AIRE: variants seen among roughly 807,000 people sequenced by gnomAD.
The protein encoded by AIRE is autoimmune polyendocrinopathy candidiasis ectodermal dystrophy protein.
A neutral mutation model predicts 62.1 loss-of-function variants in AIRE; 52 were observed. That is an observed-to-expected ratio of 0.84 (90% CI 0.67 to 1.06). The LOEUF (loss-of-function observed/expected upper bound fraction) is 1.06. Ranked by LOEUF, AIRE falls within the 50% of genes least tolerant of loss-of-function variation. The pLI is 0.00. For missense variants in AIRE, 774 were observed against 755.8 expected (o/e 1.02, Z -0.28); for synonymous variants, 342 against 321.6 (o/e 1.06, Z -0.68).
chr21:44,290,001 C>A lies in AIRE; in HGVS notation c.812C>A (p.Ala271Asp). The change falls in exon 7 of 14, where the codon GCT becomes GAT. Residue 271 changes from alanine to aspartate, a missense_variant. By Grantham distance (126) the Ala-to-Asp change is moderately radical (BLOSUM62 -2). Coordinates refer to ENST00000291582, the MANE Select transcript of AIRE (RefSeq NM_000383.4). The part of the protein sequence containing the change: ...AQGAAPGGGE[A>D]RLGQQGSVPA... The stretch of plus-strand genomic sequence containing the variant: ...TCTTCCTTGCAGGGTGGAGGTGAGG[C>A]TAGGCTGGGCCAGCAGGGCAGCGTT... 1 of 1,610,808 alleles carries A rather than the reference C, an allele frequency of 6.2e-7. No individual in the cohort carries two copies. The highest frequency in any genetic ancestry group is 8.5e-7 in the Non-Finnish European group (1 of 1,179,330).
At chr21:44,294,368 C>T in intron 11 of AIRE, 33 bp from the exon 12 acceptor site, 5 of 1,478,364 alleles carry the variant, frequency 3.4e-6, no homozygotes, top group Non-Finnish European at 4.6e-6. Context: ...CTGCTCCCCC[C>T]CAGGGCTGGC....
In AIRE at chr21:44,298,133, A is replaced by AAAAAC. The variant is rs1377750329; in HGVS notation, c.*421_*425dup. 6.7e-5 allele frequency: 17 copies of AAAAAC among 254,114 alleles called. No individual in the cohort carries two copies. The highest frequency in any genetic ancestry group is 1.3e-4 in the Non-Finnish European group (17 of 127,168). 15.7% of individuals were successfully genotyped at this position (254,114 alleles called of 1,614,324 possible). A position where few individuals can be genotyped will look rare whatever the true frequency, so the allele number is the denominator to read the frequency against. On this transcript the variant is annotated 3_prime_UTR_variant, in exon 14 of 14. Transcript: ENST00000291582. ...GTCGGCAAGAGTGAGACTCCGTCTC[A>AAAAAC]AAAACAAAACAAAACAAAAAAACCA...
chr21:44,293,930 G>A lies in AIRE; in HGVS notation c.1400+20G>A, dbSNP rs776365819. On this transcript the variant is annotated intron_variant, in intron 11 of 13. Coordinates refer to ENST00000291582, the MANE Select transcript of AIRE (RefSeq NM_000383.4). ...GCCCGGGTGAGTGAGCGTGGTCGGC[G>A]GGGAGGCCTGAACCCACACCCACAC... 24 of 1,595,238 alleles carry A rather than the reference G, an allele frequency of 1.5e-5. 1 individual carries two copies. Among genetic ancestry groups the A allele is most frequent in the Admixed American group, 1.0e-4 (6 of 59,808 alleles).
In AIRE at chr21:44,292,322, GC is replaced by G; in HGVS notation, c.1017del (p.Cys340AlafsTer38). Reference sequence around the variant, plus strand: ...AGCAGTGGGACCTGGAGGTGCTCCAGCTGCCTGCAGGCAACAGTCCAGGAGG... The same window carrying G: ...AGCAGTGGGACCTGGAGGTGCTCCAGTGCCTGCAGGCAACAGTCCAGGAGG... ...EIPSGTWRCS[S>X]CLQATVQEVQ... is the part of the protein sequence containing the mutation. On this transcript the variant is annotated frameshift_variant, in exon 9 of 14. Coordinates refer to ENST00000291582, the MANE Select transcript of AIRE (RefSeq NM_000383.4). LOFTEE classifies it high-confidence loss of function. 2 of 1,576,550 alleles carry G rather than the reference GC, an allele frequency of 1.3e-6. No individual in the cohort carries two copies. Among genetic ancestry groups the G allele is most frequent in the Non-Finnish European group, 1.7e-6 (2 of 1,161,584 alleles).
Position 44,294,401 on chromosome 21 carries a change from G to T in AIRE, c.1401G>T (p.Gly467=), listed in dbSNP as rs769515721. 1.3e-5 allele frequency: 21 copies of T among 1,567,906 alleles called. No individual in the cohort carries two copies. The highest frequency in any genetic ancestry group is 1.8e-5 in the Non-Finnish European group (21 of 1,164,514). ...GGCAGCCCCTCATCCTCTGCTGCAG[G>T]ACGGGCCTGCGCTGCAGATCCTGCT... is the stretch of plus-strand genomic sequence containing the variant. ...CHFPAGTSRP[G]TGLRCRSCSG... is the part of the protein sequence containing the mutation. The change falls in exon 12 of 14, where the codon GGG becomes GGT. Residue 467 remains glycine, a splice_region_variant and synonymous_variant. Transcript: ENST00000291582.
Position 44,290,088 on chromosome 21 carries a change from G to A in AIRE, c.879+20G>A, listed in dbSNP as rs765356727. On this transcript the variant is annotated intron_variant, in intron 7 of 13. Coordinates refer to ENST00000291582, the MANE Select transcript of AIRE (RefSeq NM_000383.4). ...CACCAGGTAATGCCCTAGACCACAG[G>A]AGAGGCCCCTGTCTGCCCTTGCTCC... is the stretch of plus-strand genomic sequence containing the variant. 14 of 1,608,220 alleles carry A rather than the reference G, an allele frequency of 8.7e-6. No homozygotes were observed. Among genetic ancestry groups the A allele is most frequent in the Non-Finnish European group, 1.2e-5 (14 of 1,177,010 alleles).
chr21:44,289,885 T>C, intron 6 of AIRE, 83 bp downstream of exon 6: 10 of 1,607,174 alleles, frequency 6.2e-6, no homozygotes, highest in Non-Finnish European at 7.6e-6. Flanking sequence ...GGAGTGGCTC[T>C]GCTGGGGGCT....
chr21:44,288,585 T>G (rs1011174398), intron 5 of AIRE, 127 bp downstream of exon 5: 1 of 698,256 alleles, frequency 1.4e-6, no homozygotes, highest in Non-Finnish European at 2.4e-6. Context: ...TAGCCAGAGT[T>G]TCTGCCTGTG....
At chr21:44,289,539 G>A in intron 5 of AIRE, 118 bp from the exon 6 acceptor site, 3 of 1,426,628 alleles carry the variant, frequency 2.1e-6, no homozygotes, top group Non-Finnish European at 2.9e-6. Flanking sequence ...CGGGCTGGAG[G>A]AATGCAGGCT....
chr21:44,288,512 G>A lies in AIRE; in HGVS notation c.652+54G>A, dbSNP rs1213322809. 6 of 1,360,196 alleles carry A rather than the reference G, an allele frequency of 4.4e-6. No individual in the cohort carries two copies. The East Asian group carries it at 1.4e-4, about 31-fold the overall frequency. The allele number at this position is 1,360,196 out of a possible 1,614,324, so 84.3% of individuals were successfully genotyped here. ...GATGGGGAGACCCAGGCTCCAAGAT[G>A]GAAGGAGGACCACGCCCCTTTGCAT... On this transcript the variant is annotated intron_variant, in intron 5 of 13. Transcript: ENST00000291582.
At chr21:44,294,327 C>T (rs1247573784) in intron 11 of AIRE, 74 bp from the exon 12 acceptor site, 2 of 959,842 alleles carry the variant, frequency 2.1e-6, no homozygotes, top group Non-Finnish European at 3.1e-6. Flanking sequence ...CACGCCCACA[C>T]CCCACACCCC....
At chr21:44,290,787 T>G (rs766298373) in intron 7 of AIRE, 2 of 1,494,798 alleles carry the variant, frequency 1.3e-6, no homozygotes, top group South Asian at 2.2e-5. Flanking sequence ...CTGGCCCCAC[T>G]GCCCTGTGAG....
At position 44,287,574 on chromosome 21, in the gene AIRE, G is replaced by A. The variant is rs145732243; in HGVS notation, c.521G>A (p.Arg174His). The part of the protein sequence containing the change: ...KKPESSAEQQ[R>H]LPLGNGIQTM... The stretch of plus-strand genomic sequence containing the variant: ...CCGGAGAGCAGCGCAGAGCAGCAGC[G>A]CCTTCCACTCGGGAACGGTGAGCGG... Residue 174 changes from arginine (R) to histidine (H), a missense_variant, in exon 4 of 14, where the codon CGC becomes CAC. By Grantham distance (29) the Arg-to-His change is conservative. Coordinates refer to ENST00000291582, the MANE Select transcript of AIRE (RefSeq NM_000383.4). The surrounding 1 kb of genome is among the most constrained non-coding windows in gnomAD (Gnocchi z 4.3). 2.5e-4 allele frequency: 388 copies of A among 1,557,620 alleles called. 2 individuals carry two copies. The East Asian group carries it at 5.7e-3, about 23-fold the overall frequency.
rs1427813864 is a variant in AIRE, at chr21:44,290,087, G to A, written c.879+19G>A. ...CCACCAGGTAATGCCCTAGACCACA[G>A]GAGAGGCCCCTGTCTGCCCTTGCTC... is the stretch of plus-strand genomic sequence containing the variant. On this transcript the variant is annotated intron_variant, in intron 7 of 13. Transcript: ENST00000291582. 1 of 1,608,714 alleles carries A rather than the reference G, an allele frequency of 6.2e-7. No individual in the cohort carries two copies. Among genetic ancestry groups the A allele is most frequent in the Admixed American group, 1.7e-5 (1 of 59,766 alleles).
In AIRE at chr21:44,286,429, A is replaced by T; in HGVS notation, c.133-128A>T. The T allele has an allele frequency of 9.5e-7, 1 of 1,056,366 alleles. No individual in the cohort carries two copies. The highest frequency in any genetic ancestry group is 1.6e-5 in the South Asian group (1 of 62,876). 65.4% of individuals were successfully genotyped at this position (1,056,366 alleles called of 1,614,324 possible). A position where few individuals can be genotyped will look rare whatever the true frequency, so the allele number is the denominator to read the frequency against. On this transcript the variant is annotated intron_variant, in intron 1 of 13. Transcript: ENST00000291582. This position sits in a 1 kb window ranked among gnomAD's most constrained non-coding sequence, Gnocchi z 6.0. ...CCTGACTCCACCACAAGCCGAGGAG[A>T]TGGGCGTGGAGCTGTCCAGGTCGCC...
intron 7 of AIRE, chr21:44,290,416 C>T (rs1226281514): frequency 1.0e-6 from 1 of 985,390 alleles, no homozygotes; most frequent in Non-Finnish European, 1.2e-6. Flanking sequence ...CATCTTTCGT[C>T]CCCAGCATGG....
At position 44,289,752 on chromosome 21, in the gene AIRE, A is replaced by G; in HGVS notation, c.748A>G (p.Ser250Gly). The change falls in exon 6 of 14, where the codon AGT (serine) becomes GGT (glycine). Residue 250 changes from serine to glycine, a missense_variant. By Grantham distance (56) the Ser-to-Gly change is moderately conservative. Transcript: ENST00000291582. ...GSGKNKARSS[S>G]GPKPLVRAKG... is the part of the protein sequence containing the mutation. Reference sequence around the variant, plus strand: ...TGGGAAGAACAAGGCCCGCAGCAGCAGTGGCCCGAAGCCTCTGGTTCGAGC... The same window carrying G: ...TGGGAAGAACAAGGCCCGCAGCAGCGGTGGCCCGAAGCCTCTGGTTCGAGC... 1 of 1,612,814 alleles carries G rather than the reference A, an allele frequency of 6.2e-7. No individual in the cohort carries two copies. Among genetic ancestry groups the G allele is most frequent in the East Asian group, 2.2e-5 (1 of 44,890 alleles).
At chr21:44,292,425 CG>C (rs919290006) in intron 9 of AIRE, 24 bp downstream of exon 9, 7 of 1,501,788 alleles carry the variant, frequency 4.7e-6, no homozygotes. Context: ...CCCTCCTAGC[CG>C]GGCCACCCCT....
chr21:44,290,621 C>T (rs1010375397), intron 7 of AIRE: 85 of 1,014,442 alleles, frequency 8.4e-5, no homozygotes, highest in Non-Finnish European at 1.1e-4. Flanking sequence ...CGTGCAGGAC[C>T]AGCCTAGCCT....
Sources: gnomAD v4.1 joint callset for allele counts on GRCh38, gnomAD v4.1.1 for gene constraint, Gnocchi (gnomAD v3.1) non-coding constraint, MANE v1.5 for transcripts, NCBI Gene and HGNC (gene_info 2026-07-23, HGNC 2026-07-21) for gene names.